TRIM66: variants seen among roughly 807,000 people sequenced by gnomAD.
The protein encoded by TRIM66 is tripartite motif-containing protein 66.
TRIM66 carries 99 observed loss-of-function variants against 148.2 expected under a neutral mutation model. The ratio of observed to expected loss-of-function variants is 0.67; its 90% CI spans 0.57 to 0.79. TRIM66 has a LOEUF of 0.79. Among genes scored for constraint, TRIM66 ranks in the 30% least tolerant of loss-of-function variants. TRIM66 has a pLI of 0.00. For missense variants in TRIM66, 1,666 were observed against 1,697.9 expected (o/e 0.98, Z 0.33); for synonymous variants, 616 against 635.9 (o/e 0.97, Z 0.47).
chr11:8,637,998 AGTAGGTGG>A (rs1471750794), intron 15 of TRIM66, among the ~76,000 whole-genome samples: 1 of 152,170 alleles, frequency 6.6e-6, no homozygotes, highest in African/African-American at 2.4e-5. Context: ...TCAGTAAGCT[AGTAGGTGG>A]GTGGACAGAA....
intron 15 of TRIM66, among the ~76,000 whole-genome samples, chr11:8,630,719 CTCT>C (rs1197817150): frequency 6.6e-6 from 1 of 152,118 alleles, no homozygotes; most frequent in Non-Finnish European, 1.5e-5. Context: ...TTCCTCTTGC[CTCT>C]TTTTTGTCTC....
In TRIM66 at chr11:8,649,777, C is replaced by T; in HGVS notation, c.555G>A (p.Gly185=). 4 of 1,551,384 alleles carry T rather than the reference C, an allele frequency of 2.6e-6. No individual in the cohort carries two copies. Among genetic ancestry groups the T allele is most frequent in the Non-Finnish European group, 3.5e-6 (4 of 1,146,998 alleles). Reference sequence around the variant, plus strand: ...TCTGGGCCCGAGGAAAGAATGGGCCCCCGGGGACAGGGCTGTGTCGGTGTT... The same window carrying T: ...TCTGGGCCCGAGGAAAGAATGGGCCTCCGGGGACAGGGCTGTGTCGGTGTT... ...TEEHRHSPVP[G]GPFFPRAQKG... is the part of the protein sequence containing the mutation. Residue 185 remains glycine (G), a synonymous_variant, in exon 8 of 25, where the codon GGG becomes GGA. Coordinates refer to ENST00000646038, the MANE Select transcript of TRIM66 (RefSeq NM_001388022.1).
chr11:8,672,187 A>G (rs1480133596), intron 5 of TRIM66, 61 bp downstream of exon 5: 7 of 1,533,698 alleles, frequency 4.6e-6, no homozygotes, highest in South Asian at 1.2e-5. Flanking sequence ...CAAGGCCTCA[A>G]AAGTCCAGGC....
Position 8,640,847 on chromosome 11 carries a change from C to A in TRIM66, c.1528G>T (p.Ala510Ser). Residue 510 changes from alanine (A) to serine (S), a missense_variant, in exon 14 of 25, where the codon GCC becomes TCC. Physicochemically the swap from Ala to Ser is moderately conservative, Grantham distance 99. Coordinates refer to ENST00000646038, the MANE Select transcript of TRIM66 (RefSeq NM_001388022.1). Reference sequence around the variant, plus strand: ...AGCTCTTTCTCCCTGGGCAGCAGGGCAGAGCACTGCAGAGACCCCAGCTGC... The same window carrying A: ...AGCTCTTTCTCCCTGGGCAGCAGGGAAGAGCACTGCAGAGACCCCAGCTGC... Reference protein sequence around the residue: ...PQQLGSLQCSALLPREKELAC... With the variant: ...PQQLGSLQCSSLLPREKELAC... 6.5e-7 allele frequency: 1 copy of A among 1,550,322 alleles called. No homozygotes were observed. The highest frequency in any genetic ancestry group is 8.7e-7 in the Non-Finnish European group (1 of 1,146,940).
upstream of TRIM66, chr11:8,682,685 C>A (rs897236402): frequency 1.8e-6 from 2 of 1,091,866 alleles, no homozygotes; most frequent in Non-Finnish European, 2.8e-6. Context: ...GCGCGCAATC[C>A]CGCGAGACCA....
intron 15 of TRIM66, among the ~76,000 whole-genome samples, chr11:8,637,658 G>C (rs913215364): frequency 6.6e-5 from 10 of 152,214 alleles, no homozygotes; most frequent in Admixed American, 2.6e-4. Context: ...TGAGGGGCAG[G>C]TACACTGAGC....
intron 12 of TRIM66, chr11:8,644,259 G>C: frequency 2.9e-6 from 1 of 347,174 alleles, no homozygotes. Flanking sequence ...CCATACCAAA[G>C]CCATGTTATC....
chr11:8,623,931 G>C (rs1421102565), intron 17 of TRIM66, among the ~76,000 whole-genome samples: 1 of 152,202 alleles, frequency 6.6e-6, no homozygotes, highest in African/African-American at 2.4e-5. Flanking sequence ...TAGAGAGAAA[G>C]AAATCAGTTG....
Position 8,624,491 on chromosome 11 carries a change from C to T in TRIM66, c.2887G>A (p.Gly963Ser), listed in dbSNP as rs201982728. ...DLLGQGPIVP[G>S]LDAPKDLAIP... ...GCCAAGTCCTTGGGAGCATCCAGAC[C>T]GGGGACTATGGGACCTTGTCCCAGT... The change falls in exon 17 of 25, where the codon GGT becomes AGT. Residue 963 changes from glycine to serine, a missense_variant. Around this residue, in one of 3 missense-constraint regions of TRIM66, gnomAD observed 1,431 missense variants for 1,412.4 expected, o/e 1.01. Transcript: ENST00000646038. 86 of 1,551,160 alleles carry T rather than the reference C, an allele frequency of 5.5e-5. 1 individual carries two copies. Among genetic ancestry groups the T allele is most frequent in the South Asian group, 3.1e-4 (26 of 83,950 alleles).
upstream of TRIM66, chr11:8,683,080 C>G: frequency 9.0e-7 from 1 of 1,107,054 alleles, no homozygotes; most frequent in Non-Finnish European, 1.4e-6. Context: ...GTACCCTCAG[C>G]TTTCCCAAAC....
chr11:8,644,935 G>A (rs1374354198), intron 12 of TRIM66, among the ~76,000 whole-genome samples: 1 of 152,180 alleles, frequency 6.6e-6, no homozygotes, highest in Non-Finnish European at 1.5e-5. Context: ...ATTGGAAACT[G>A]TTCATTTCTG....
At chr11:8,661,669 G>A (rs559257406) in intron 6 of TRIM66, among the ~76,000 whole-genome samples, 7 of 152,254 alleles carry the variant, frequency 4.6e-5, no homozygotes, top group African/African-American at 1.4e-4. Context: ...CTCTGCAAGT[G>A]ACCGATTATG....
chr11:8,668,590 A>ATT (rs371926410), intron 6 of TRIM66, among the ~76,000 whole-genome samples: 1 of 143,710 alleles, frequency 7.0e-6, no homozygotes, highest in Non-Finnish European at 1.5e-5. Context: ...ATTTTTATTT[A>ATT]TTTTTTTTTT....
At chr11:8,658,601 TG>T in intron 6 of TRIM66, 1 of 223,526 alleles carries the variant, frequency 4.5e-6, no homozygotes, top group Non-Finnish European at 7.5e-6. Context: ...TGATGCAATC[TG>T]GGTATCAAAA....
chr11:8,677,627 A>C (rs955601680), intron 3 of TRIM66, among the ~76,000 whole-genome samples: 4 of 152,154 alleles, frequency 2.6e-5, no homozygotes, highest in Admixed American at 1.3e-4. Flanking sequence ...ACAACAACAA[A>C]AAAAACAGAA....
chr11:8,624,282 C>A, intron 17 of TRIM66, 77 bp downstream of exon 17: 1 of 1,464,356 alleles, frequency 6.8e-7, no homozygotes, highest in Admixed American at 2.6e-5. Flanking sequence ...TGTCTGCTGG[C>A]CTCTCTTACC....
At chr11:8,648,392 T>C (rs746003931) in intron 9 of TRIM66, 24 bp downstream of exon 9, 1 of 1,550,396 alleles carries the variant, frequency 6.4e-7, no homozygotes, top group South Asian at 1.2e-5. Flanking sequence ...CCCCAGCCCA[T>C]TTCAGGCAGT....
chr11:8,640,307 G>C lies in TRIM66; in HGVS notation c.2068C>G (p.Gln690Glu), dbSNP rs1235034137. ...SQTKSPQHLQQTIVGQINYIV... is the reference protein window; with the variant it reads ...SQTKSPQHLQETIVGQINYIV... Reference sequence around the variant, plus strand: ...TAGTTGATCTGCCCCACAATGGTTTGCTGAAGATGCTGAGGAGATTTGGTC... The same window carrying C: ...TAGTTGATCTGCCCCACAATGGTTTCCTGAAGATGCTGAGGAGATTTGGTC... The change falls in exon 14 of 25, where the codon CAA becomes GAA. Residue 690 changes from glutamine (Q) to glutamate (E), a missense_variant. By Grantham distance (29) the Gln-to-Glu change is conservative. Coordinates refer to ENST00000646038, the MANE Select transcript of TRIM66 (RefSeq NM_001388022.1). 3 of 1,551,722 alleles carry C rather than the reference G, an allele frequency of 1.9e-6. No individual in the cohort carries two copies. Among genetic ancestry groups the C allele is most frequent in the Non-Finnish European group, 2.6e-6 (3 of 1,147,026 alleles).
rs955915411 is a variant in TRIM66, at chr11:8,624,409, G to A, written c.2969C>T (p.Ala990Val). ...INLSVKKPPLAPVVSTSTALQ... is the reference protein window; with the variant it reads ...INLSVKKPPLVPVVSTSTALQ... Reference sequence around the variant, plus strand: ...AGCTGTAGACGTGCTGACCACTGGCGCCAGTGGAGGTTTCTTCACAGAGAG... The same window carrying A: ...AGCTGTAGACGTGCTGACCACTGGCACCAGTGGAGGTTTCTTCACAGAGAG... The change falls in exon 17 of 25, where the codon GCG becomes GTG. Residue 990 changes from alanine to valine, a missense_variant. By Grantham distance (64) the Ala-to-Val change is moderately conservative. Transcript: ENST00000646038. 3.2e-5 allele frequency: 50 copies of A among 1,551,472 alleles called. No homozygotes were observed. The East Asian group carries it at 5.1e-4, about 16-fold the overall frequency.
Sources: allele counts gnomAD v4.1 joint callset (sites outside exome capture counted in the v4.1 genomes callset), GRCh38; gene constraint gnomAD v4.1.1; regional missense constraint gnomAD v4.1.1; transcripts MANE v1.5; gene names NCBI Gene and HGNC (gene_info 2026-07-23, HGNC 2026-07-21).